Variants in BCL7A observed in about 807,000 individuals in gnomAD.
The protein encoded by BCL7A is BAF chromatin remodeling complex subunit BCL7A.
Under a neutral mutation model 28.4 loss-of-function variants are expected in BCL7A, and 11 were observed. That is an observed-to-expected ratio of 0.39 (90% CI 0.24 to 0.64). BCL7A has a LOEUF of 0.64. BCL7A is among the 30% of genes least tolerant of loss of function. The probability of loss-of-function intolerance (pLI) is 0.50; values close to 1 mark genes in which losing one functional copy is unlikely to be tolerated. For missense variants in BCL7A, 222 were observed against 274.8 expected (o/e 0.81, Z 1.36); for synonymous variants, 123 against 103.3 (o/e 1.19, Z -1.15).
intron 3 of BCL7A, among the ~76,000 whole-genome samples, chr12:122,043,544 A>G (rs1884003468): frequency 6.6e-6 from 1 of 151,984 alleles, no homozygotes; most frequent in Admixed American, 6.6e-5. Context: ...AGGCCGAGGC[A>G]GGAGGATTAC....
At chr12:122,054,963 G>C (rs769715256) in intron 5 of BCL7A, 37 bp downstream of exon 5, 1 of 1,614,030 alleles carries the variant, frequency 6.2e-7, no homozygotes, top group South Asian at 1.1e-5. Context: ...CAGCCAGATC[G>C]GCCGGGAGCC....
rs556321379 is a variant in BCL7A, at chr12:122,026,415, C to T, written c.92+4232C>T. On this transcript the variant is annotated intron_variant, in intron 1 of 5. Coordinates refer to ENST00000261822, the MANE Select transcript of BCL7A (RefSeq NM_001024808.3). ...CTACGATTGTGCCACTGTACTCTAGCCTGGGTGACAGGGTGAGACCTTGTC... is the reference window on the plus strand; with the variant it reads ...CTACGATTGTGCCACTGTACTCTAGTCTGGGTGACAGGGTGAGACCTTGTC... Among the ~76,000 whole-genome samples, 43 of 152,274 alleles carry T rather than the reference C, an allele frequency of 2.8e-4. 1 individual carries two copies. In the South Asian group the frequency reaches 8.7e-3, roughly 31 times the overall value.
intron 1 of BCL7A, among the ~76,000 whole-genome samples, chr12:122,030,005 T>C (rs532854289): frequency 6.6e-6 from 1 of 152,278 alleles, no homozygotes; most frequent in African/African-American, 2.4e-5. Flanking sequence ...GGGTCTGGAC[T>C]CCGTCCTTCA....
At chr12:122,024,336 G>A (rs1228274945) in intron 1 of BCL7A, among the ~76,000 whole-genome samples, 2 of 152,176 alleles carry the variant, frequency 1.3e-5, no homozygotes, top group Non-Finnish European at 2.9e-5. Context: ...AGGTCCCCTC[G>A]GGTTATTGAG....
In BCL7A at chr12:122,059,177, G is replaced by A. The variant is rs368258721; in HGVS notation, c.*14G>A. ...GAAGAGATGTAGACGATGCTTTAAA[G>A]CCTCCGATCCATGTTCCATGGAAGG... On this transcript the variant is annotated 3_prime_UTR_variant, in exon 6 of 6. Coordinates refer to ENST00000261822, the MANE Select transcript of BCL7A (RefSeq NM_001024808.3). The surrounding 1 kb of genome is among the most constrained non-coding windows in gnomAD (Gnocchi z 4.0). 2.5e-4 allele frequency: 399 copies of A among 1,602,238 alleles called. 1 individual carries two copies. The highest frequency in any genetic ancestry group is 3.3e-4 in the Non-Finnish European group (389 of 1,169,296).
At chr12:122,025,488 G>C (rs868814364) in intron 1 of BCL7A, among the ~76,000 whole-genome samples, 41 of 151,880 alleles carry the variant, frequency 2.7e-4, no homozygotes, top group African/African-American at 9.2e-4. Context: ...TTAGCCAGGC[G>C]TGGTGGCGGG....
At chr12:122,054,537 C>T (rs1480160128) in intron 4 of BCL7A, among the ~76,000 whole-genome samples, 1 of 152,234 alleles carries the variant, frequency 6.6e-6, no homozygotes, top group Admixed American at 6.5e-5. Flanking sequence ...CTGCAGCCTC[C>T]TCCAGTCGCC....
At position 122,030,883 on chromosome 12, in the gene BCL7A, G is replaced by A. The variant is rs1883728760; in HGVS notation, c.174+102G>A. 2.5e-6 allele frequency: 3 copies of A among 1,207,156 alleles called. No homozygotes were observed. The South Asian group carries it at 3.8e-5, about 15-fold the overall frequency. The allele number at this position is 1,207,156 out of a possible 1,614,324, so 74.8% of individuals were successfully genotyped here. On this transcript the variant is annotated intron_variant, in intron 2 of 5. Coordinates refer to ENST00000261822, the MANE Select transcript of BCL7A (RefSeq NM_001024808.3). ...CTGCTACCCACCGTGCTGGGGCTCT[G>A]GGACCAAGAGCCCCTGGGAGTAGAA...
chr12:122,054,679 C>T lies in BCL7A; in HGVS notation c.440-126C>T, dbSNP rs147327344. 3,261 of 916,836 alleles carry T rather than the reference C, an allele frequency of 3.6e-3. 28 individuals are homozygous for T. The highest frequency in any genetic ancestry group is 0.017 in the South Asian group (1,092 of 63,014). The allele number at this position is 916,836 out of a possible 1,614,324, so 56.8% of individuals were successfully genotyped here. A position where few individuals can be genotyped will look rare whatever the true frequency, so the allele number is the denominator to read the frequency against. On this transcript the variant is annotated intron_variant, in intron 4 of 5. Coordinates refer to ENST00000261822, the MANE Select transcript of BCL7A (RefSeq NM_001024808.3). ...TCCCCAGCCCTCCAGCCCCCCAGCT[C>T]ATTGTAGCCTTCAAAGACCACTGGC...
intron 4 of BCL7A, among the ~76,000 whole-genome samples, chr12:122,054,285 C>T (rs1308085544): frequency 6.6e-6 from 1 of 152,156 alleles, no homozygotes; most frequent in Non-Finnish European, 1.5e-5. Context: ...GACGGGGTTT[C>T]ACCGTGTTAG....
At chr12:122,058,227 T>C (rs1951891563) in intron 5 of BCL7A, among the ~76,000 whole-genome samples, 1 of 152,050 alleles carries the variant, frequency 6.6e-6, no homozygotes, top group African/African-American at 2.4e-5. Context: ...TTGGAAAAGC[T>C]GGTGCGGTGG....
chr12:122,039,100 T>C (rs531723554), intron 3 of BCL7A, among the ~76,000 whole-genome samples: 4 of 151,764 alleles, frequency 2.6e-5, no homozygotes, highest in African/African-American at 7.3e-5. Flanking sequence ...ATCGAGACCA[T>C]CCTGGCTAAC....
intron 4 of BCL7A, among the ~76,000 whole-genome samples, chr12:122,048,145 C>T (rs1254054965): frequency 2.0e-5 from 3 of 152,126 alleles, no homozygotes; most frequent in East Asian, 1.9e-4. Flanking sequence ...TCAGGTGATC[C>T]GCCCGCCTCG....
At chr12:122,032,262 C>T (rs1204788893) in intron 2 of BCL7A, among the ~76,000 whole-genome samples, 2 of 152,208 alleles carry the variant, frequency 1.3e-5, no homozygotes, top group Admixed American at 6.5e-5. Flanking sequence ...CTGGTTCTAG[C>T]CTGGGCTCCC....
intron 4 of BCL7A, among the ~76,000 whole-genome samples, chr12:122,045,243 T>C (rs1884049597): frequency 6.6e-6 from 1 of 152,110 alleles, no homozygotes; most frequent in Non-Finnish European, 1.5e-5. Flanking sequence ...TAGCAGAGTG[T>C]GGTGGCATGT....
intron 1 of BCL7A, among the ~76,000 whole-genome samples, chr12:122,027,414 C>G (rs1285218840): frequency 1.3e-5 from 2 of 152,176 alleles, no homozygotes; most frequent in Non-Finnish European, 2.9e-5. Flanking sequence ...GTGGCTCACA[C>G]CTGTAATCCC....
chr12:122,040,098 C>T (rs1883937176), intron 3 of BCL7A, among the ~76,000 whole-genome samples: 1 of 152,182 alleles, frequency 6.6e-6, no homozygotes, highest in Admixed American at 6.5e-5. Context: ...ACATCATTGC[C>T]TCATTTGAGT....
At chr12:122,032,965 G>A (rs796519370) in intron 2 of BCL7A, among the ~76,000 whole-genome samples, 41 of 152,264 alleles carry the variant, frequency 2.7e-4, no homozygotes, top group African/African-American at 9.4e-4. Context: ...CTGGGAATCT[G>A]CCTTGTGGAG....
rs563119634 is a variant in BCL7A at position 122,054,176 on chromosome 12, C to G, written c.440-629C>G. Among the ~76,000 whole-genome samples, 9 of 152,284 alleles carry G rather than the reference C, an allele frequency of 5.9e-5. No homozygotes were observed. The South Asian group carries it at 1.7e-3, about 28-fold the overall frequency. ...CTCGGCTCACTGCAACCTCCGCCTC[C>G]CGGGTTCACGCCATCCTCCTGCCTC... On this transcript the variant is annotated intron_variant, in intron 4 of 5. Transcript: ENST00000261822.
Sources: allele counts gnomAD v4.1 joint callset (sites outside exome capture counted in the v4.1 genomes callset), GRCh38; gene constraint gnomAD v4.1.1; non-coding constraint Gnocchi (gnomAD v3.1); transcripts MANE v1.5; gene names NCBI Gene and HGNC (gene_info 2026-07-23, HGNC 2026-07-21).